The following DLC1 variants were observed in gnomAD, a reference collection of about 807,000 sequenced individuals.
The protein encoded by DLC1 is rho GTPase-activating protein 7.
DLC1 carries 54 observed loss-of-function variants against 140.3 expected under a neutral mutation model. The ratio of observed to expected loss-of-function variants is 0.38; its 90% CI spans 0.31 to 0.48. DLC1 has a LOEUF of 0.48. DLC1 is among the 20% of genes least tolerant of loss of function. The pLI, the probability that DLC1 is intolerant of heterozygous loss-of-function variation, is 0.96. For synonymous variants in DLC1, 986 were observed against 728.1 expected (o/e 1.35, Z -5.70); for missense variants, 2,536 against 1,907.0 (o/e 1.33, Z -6.14).
intron 5 of DLC1, among the ~76,000 whole-genome samples, chr8:13,290,452 A>G: frequency 6.6e-6 from 1 of 152,360 alleles, no homozygotes; most frequent in Non-Finnish European, 1.5e-5. Context: ...ATTAAAGGAT[A>G]TGCCTTTTTT....
chr8:13,305,318 C>G lies in DLC1; in HGVS notation c.1315-16G>C, dbSNP rs372213294. 300 of 1,577,398 alleles carry G rather than the reference C, an allele frequency of 1.9e-4. No individual in the cohort carries two copies. The African/African-American group carries it at 3.5e-3, about 18-fold the overall frequency. ...CTTGAATAGCCTGAAAAAAAAGACACAAAAATTGTGGTATTATTAGGAAGA... is the reference window on the plus strand; with the variant it reads ...CTTGAATAGCCTGAAAAAAAAGACAGAAAAATTGTGGTATTATTAGGAAGA... On this transcript the variant is annotated splice_polypyrimidine_tract_variant and intron_variant, in intron 4 of 17. Transcript: ENST00000276297.
intron 1 of DLC1, among the ~76,000 whole-genome samples, chr8:13,504,980 T>G (rs560824867): frequency 1.3e-5 from 2 of 152,066 alleles, no homozygotes; most frequent in Admixed American, 6.5e-5. Flanking sequence ...GGGAGATGTC[T>G]CTAAAAAAAG....
In DLC1 at chr8:13,104,694, A is replaced by G. The variant is rs117004954; in HGVS notation, c.1503-1841T>C. Among the ~76,000 whole-genome samples, 434 of 152,326 alleles carry G rather than the reference A, an allele frequency of 2.8e-3. 1 individual carries two copies. The highest frequency in any genetic ancestry group is 4.0e-3 in the Non-Finnish European group (271 of 68,032). On this transcript the variant is annotated intron_variant, in intron 7 of 17. Coordinates refer to ENST00000276297, the MANE Select transcript of DLC1 (RefSeq NM_182643.3). ...TCCTGTTCTTGCTGTTTGCCTAACA[A>G]TGTTGATGCAACAGAATAGAAAGCA... is the stretch of plus-strand genomic sequence containing the variant.
intron 5 of DLC1, among the ~76,000 whole-genome samples, chr8:13,137,133 G>C (rs6982268): frequency 6.6e-6 from 1 of 151,870 alleles, no homozygotes; most frequent in Admixed American, 6.6e-5. Flanking sequence ...ACAAGCGGGG[G>C]AAGGAAAGTG....
intron 2 of DLC1, among the ~76,000 whole-genome samples, chr8:13,465,024 G>A (rs151238857): frequency 1.2e-4 from 19 of 152,028 alleles, no homozygotes; most frequent in Admixed American, 3.9e-4. Flanking sequence ...ATGCCACCAT[G>A]CATAGCTCCC....
chr8:13,441,704 A>C (rs933635143), intron 2 of DLC1, among the ~76,000 whole-genome samples: 8 of 152,146 alleles, frequency 5.3e-5, no homozygotes, highest in African/African-American at 1.7e-4. Context: ...TCAATGAAAT[A>C]AAAGAGGATA....
chr8:13,288,040 T>C (rs1223929001), intron 5 of DLC1, among the ~76,000 whole-genome samples: 2 of 152,140 alleles, frequency 1.3e-5, no homozygotes, highest in African/African-American at 4.8e-5. Flanking sequence ...TCATGAGCAA[T>C]GGTTGAATTA....
intron 5 of DLC1, among the ~76,000 whole-genome samples, chr8:13,121,007 A>C (rs1426762235): frequency 6.6e-6 from 1 of 152,236 alleles, no homozygotes; most frequent in Non-Finnish European, 1.5e-5. Context: ...CTCTAGCTTC[A>C]CAGGGGGAAC....
chr8:13,467,587 C>A (rs10100828), intron 2 of DLC1, among the ~76,000 whole-genome samples: 3,735 of 151,940 alleles, frequency 0.025, 141 homozygotes, highest in African/African-American at 0.085. Context: ...AAAAATCAGC[C>A]AAGTGTGATG....
chr8:13,165,420 G>A (rs1180933853), intron 5 of DLC1, among the ~76,000 whole-genome samples: 1 of 152,194 alleles, frequency 6.6e-6, no homozygotes, highest in East Asian at 1.9e-4. Flanking sequence ...CACGTGGACT[G>A]AGCAGCAATA....
chr8:13,150,481 G>T (rs1823725043), intron 5 of DLC1, among the ~76,000 whole-genome samples: 1 of 152,116 alleles, frequency 6.6e-6, no homozygotes, highest in Non-Finnish European at 1.5e-5. Context: ...GCCATGGTGT[G>T]TAACCCTTAT....
At chr8:13,555,074 C>G (rs752619483) in intron 1 of DLC1, among the ~76,000 whole-genome samples, 1 of 152,214 alleles carries the variant, frequency 6.6e-6, no homozygotes, top group African/African-American at 2.4e-5. Flanking sequence ...TAGTCTGTAA[C>G]ACTTTTGCTC....
intron 4 of DLC1, among the ~76,000 whole-genome samples, chr8:13,348,120 A>G (rs926100861): frequency 1.9e-4 from 28 of 151,308 alleles, no homozygotes; most frequent in Non-Finnish European, 3.5e-4. Flanking sequence ...TAAACAAACA[A>G]ACTTCCTGGA....
At chr8:13,307,550 T>C (rs1407334647) in intron 4 of DLC1, among the ~76,000 whole-genome samples, 1 of 152,214 alleles carries the variant, frequency 6.6e-6, no homozygotes, top group South Asian at 2.1e-4. Context: ...TTACCCCTGA[T>C]TGGGGGTTTT....
intron 1 of DLC1, among the ~76,000 whole-genome samples, chr8:13,584,739 C>A (rs144043801): frequency 6.6e-6 from 1 of 152,068 alleles, no homozygotes; most frequent in Non-Finnish European, 1.5e-5. Flanking sequence ...GGGAATATTC[C>A]GAAGGGCAAC....
At chr8:13,557,294 C>T (rs780699868) in intron 1 of DLC1, among the ~76,000 whole-genome samples, 4 of 152,088 alleles carry the variant, frequency 2.6e-5, no homozygotes, top group Non-Finnish European at 5.9e-5. Flanking sequence ...TGAGATGCAG[C>T]AACAGACATG....
rs73663535 is a variant in DLC1 at position 13,307,120 on chromosome 8, G to A, written c.1315-1818C>T. ...AAAAAAAAAAAAGGTAGAGATGGGGGGAGTTACTTTGGCAAGATTAATTTG... is the reference window on the plus strand; with the variant it reads ...AAAAAAAAAAAAGGTAGAGATGGGGAGAGTTACTTTGGCAAGATTAATTTG... On this transcript the variant is annotated intron_variant, in intron 4 of 17. Transcript: ENST00000276297. Among the ~76,000 whole-genome samples the A allele has an allele frequency of 3.3e-3, 498 of 151,666 alleles. 6 individuals are homozygous for A. The highest frequency in any genetic ancestry group is 0.011 in the African/African-American group (435 of 41,374).
chr8:13,312,259 G>A (rs1478826466), intron 4 of DLC1, among the ~76,000 whole-genome samples: 4 of 132,048 alleles, frequency 3.0e-5, no homozygotes, highest in Non-Finnish European at 4.8e-5. Context: ...TACTCGGGAG[G>A]CTGAGGCAGG....
At chr8:13,267,630 T>A (rs1057434091) in intron 5 of DLC1, among the ~76,000 whole-genome samples, 1 of 152,036 alleles carries the variant, frequency 6.6e-6, no homozygotes, top group East Asian at 1.9e-4. Context: ...GTGTCAACAA[T>A]CAGATGTTAT....
Sources: allele counts gnomAD v4.1 joint callset (sites outside exome capture counted in the v4.1 genomes callset), GRCh38; gene constraint gnomAD v4.1.1; transcripts MANE v1.5; gene names NCBI Gene and HGNC (gene_info 2026-07-23, HGNC 2026-07-21).